LRIG1: variants seen among roughly 807,000 people sequenced by gnomAD.
LRIG1 encodes the protein leucine rich repeats and immunoglobulin like domains 1.
Under a neutral mutation model 99.2 loss-of-function variants are expected in LRIG1, and 48 were observed. The observed-to-expected ratio is 0.48, with a 90% CI of 0.38 to 0.62. The LOEUF (loss-of-function observed/expected upper bound fraction) is 0.62, where lower values mean the gene tolerates loss of function less well. Among genes scored for constraint, LRIG1 ranks in the 20% least tolerant of loss-of-function variants. LRIG1 has a pLI of 0.00. For missense variants in LRIG1, 1,646 were observed against 1,434.4 expected, an observed-to-expected ratio of 1.15 and a Z score of -2.38; for synonymous variants, 772 against 596.1, an observed-to-expected ratio of 1.29 and a Z score of -4.30.
At chr3:66,466,986 G>A (rs1020711993) in intron 1 of LRIG1, among the ~76,000 whole-genome samples, 1 of 152,160 alleles carries the variant, frequency 6.6e-6, no homozygotes, top group Non-Finnish European at 1.5e-5. Flanking sequence ...GCAGATCTCT[G>A]AACAACTGAG....
chr3:66,428,644 ATCCAACTTGAATAAAAG>A (rs1252370127), intron 3 of LRIG1, among the ~76,000 whole-genome samples: 1 of 152,242 alleles, frequency 6.6e-6, no homozygotes, highest in African/African-American at 2.4e-5. Flanking sequence ...AGCTTTCCTA[ATCCAACTTGAATAAAAG>A]TCTCCCTTCT....
rs1175659773 is a variant in LRIG1 at position 66,412,957 on chromosome 3, G to T, written c.705C>A (p.Asn235Lys). 3 of 1,614,098 alleles carry T rather than the reference G, an allele frequency of 1.9e-6. No homozygotes were observed. In the African/African-American group the frequency reaches 4.0e-5, roughly 22 times the overall value. ...GCTGAAGCTTCAGCACCTCCAAGCT[G>T]TTGAGCCCCTGGAAGGTGAGGCCCT... ...LIEGLTFQGL[N>K]SLEVLKLQRN... The change falls in exon 6 of 19, where the codon AAC becomes AAA. Residue 235 changes from asparagine (N) to lysine (K), a missense_variant. Asn to Lys is a moderately conservative substitution (Grantham distance 94, BLOSUM62 0). Transcript: ENST00000273261.
chr3:66,414,341 G>A (rs1053897681), intron 5 of LRIG1, among the ~76,000 whole-genome samples: 1 of 151,954 alleles, frequency 6.6e-6, no homozygotes, highest in Non-Finnish European at 1.5e-5. Context: ...AGCTTGCAGT[G>A]AGCTGAGATC....
At chr3:66,420,080 T>A (rs559423097) in intron 3 of LRIG1, among the ~76,000 whole-genome samples, 1 of 152,208 alleles carries the variant, frequency 6.6e-6, no homozygotes, top group East Asian at 1.9e-4. Flanking sequence ...TATCCAGATA[T>A]AAAGAACCTC....
At chr3:66,404,234 C>T (rs1204911834) in intron 9 of LRIG1, 2 of 1,289,064 alleles carry the variant, frequency 1.6e-6, no homozygotes, top group East Asian at 5.6e-5. Context: ...ACTCTCCCTA[C>T]CACAGGCTCT....
intron 3 of LRIG1, among the ~76,000 whole-genome samples, chr3:66,440,612 G>GACAGCAGCAATGCCCCTCAGAGC (rs1260844447): frequency 2.0e-5 from 3 of 152,138 alleles, no homozygotes; most frequent in Non-Finnish European, 4.4e-5. Flanking sequence ...GTTCAGTGTA[G>GACAGCAGCAATGCCCCTCAGAGC]ACAGCAGCAA....
At chr3:66,411,708 CGAGTCA>C (rs1559785275) in intron 6 of LRIG1, among the ~76,000 whole-genome samples, 1 of 152,074 alleles carries the variant, frequency 6.6e-6, no homozygotes, top group African/African-American at 2.4e-5. Context: ...AAAGGACATT[CGAGTCA>C]TGATATAATT....
intron 12 of LRIG1, chr3:66,386,551 A>G (rs1227799354): frequency 2.2e-6 from 1 of 450,788 alleles, no homozygotes; most frequent in Non-Finnish European, 4.0e-6. Flanking sequence ...TTAACCCACC[A>G]CTTCTCAGTT....
chr3:66,388,990 C>T (rs913738942), intron 12 of LRIG1, among the ~76,000 whole-genome samples: 1 of 152,038 alleles, frequency 6.6e-6, no homozygotes, highest in Non-Finnish European at 1.5e-5. Context: ...TTTTGTAACT[C>T]GCGTCTCCTG....
intron 2 of LRIG1, among the ~76,000 whole-genome samples, chr3:66,453,107 C>G (rs1033091026): frequency 6.6e-6 from 1 of 152,190 alleles, no homozygotes; most frequent in Non-Finnish European, 1.5e-5. Context: ...TAGTCTTAAT[C>G]TCAGCTAATA....
intron 17 of LRIG1, 165 bp from the exon 18 acceptor site, chr3:66,381,026 G>A (rs1701024681): frequency 1.5e-6 from 1 of 670,094 alleles, no homozygotes; most frequent in East Asian, 2.7e-5. Flanking sequence ...AGAAAGGACT[G>A]GGCAAACACC....
rs191614140 is a variant in LRIG1, at chr3:66,451,298, C to T, written c.365+261G>A. Reference sequence around the variant, plus strand: ...GAAGCAAGAAATCTAGTTCCATATACCTCTGCGCATTAAAAAAAAAAAAGA... The same window carrying T: ...GAAGCAAGAAATCTAGTTCCATATATCTCTGCGCATTAAAAAAAAAAAAGA... On this transcript the variant is annotated intron_variant, in intron 3 of 18. Coordinates refer to ENST00000273261, the MANE Select transcript of LRIG1 (RefSeq NM_015541.3). Among the ~76,000 whole-genome samples the T allele has an allele frequency of 1.8e-3, 273 of 148,692 alleles. 2 individuals carry two copies. Among genetic ancestry groups the T allele is most frequent in the Middle Eastern group, 6.8e-3 (2 of 294 alleles).
intron 1 of LRIG1, among the ~76,000 whole-genome samples, chr3:66,463,826 C>T (rs549024277): frequency 6.6e-6 from 1 of 152,214 alleles, no homozygotes; most frequent in African/African-American, 2.4e-5. Context: ...TAACCTAGAG[C>T]TGAGAGCCAT....
At chr3:66,417,093 C>A (rs772196616) in intron 4 of LRIG1, 36 bp downstream of exon 4, 1 of 1,606,118 alleles carries the variant, frequency 6.2e-7, no homozygotes, top group South Asian at 1.1e-5. Context: ...CTGGACACAG[C>A]GGGCCAGCCA....
intron 2 of LRIG1, among the ~76,000 whole-genome samples, chr3:66,452,553 T>C (rs928238434): frequency 2.6e-5 from 4 of 152,206 alleles, no homozygotes; most frequent in Non-Finnish European, 4.4e-5. Context: ...GTACTTGCGA[T>C]GCAAAGTCAA....
rs561163528 is a variant in LRIG1, at chr3:66,406,267, T to C, written c.1080-989A>G. ...CCTCTCAATGGGTTCCTTCCTATCA[T>C]CTGCATACTGAAAAAACCAGGAACC... On this transcript the variant is annotated intron_variant, in intron 8 of 18. Transcript: ENST00000273261. 4.6e-5 allele frequency: 45 copies of C among 985,362 alleles called. No individual in the cohort carries two copies. The African/African-American group carries it at 7.7e-4, about 17-fold the overall frequency. The allele number at this position is 985,362 out of a possible 1,614,324, so 61.0% of individuals were successfully genotyped here. A position where few individuals can be genotyped will look rare whatever the true frequency, so the allele number is the denominator to read the frequency against.
At chr3:66,456,785 A>G (rs1397962748) in intron 2 of LRIG1, among the ~76,000 whole-genome samples, 2 of 152,158 alleles carry the variant, frequency 1.3e-5, no homozygotes, top group East Asian at 3.9e-4. Flanking sequence ...CTTCCTTACC[A>G]GGTCAGTGGC....
intron 1 of LRIG1, among the ~76,000 whole-genome samples, chr3:66,487,178 A>C (rs1029529874): frequency 2.0e-5 from 3 of 152,216 alleles, no homozygotes; most frequent in African/African-American, 4.8e-5. Flanking sequence ...ATTCTCTCTA[A>C]AAGTTCTGAC....
rs777017124 is a variant in LRIG1, at chr3:66,384,212, C to T, written c.1850G>A (p.Arg617His). The T allele has an allele frequency of 1.7e-5, 28 of 1,613,954 alleles. No homozygotes were observed. The highest frequency in any genetic ancestry group is 6.7e-5 in the East Asian group (3 of 44,884). ...DITIRTTTMARLECAATGHPN... is the reference protein window; with the variant it reads ...DITIRTTTMAHLECAATGHPN... Reference sequence around the variant, plus strand: ...GTGACCTGTGGCAGCACATTCGAGGCGGGCCATGGTGGTGGTCCGGATGGT... The same window carrying T: ...GTGACCTGTGGCAGCACATTCGAGGTGGGCCATGGTGGTGGTCCGGATGGT... Residue 617 changes from arginine to histidine, a missense_variant, in exon 14 of 19, where the codon CGC becomes CAC. Coordinates refer to ENST00000273261, the MANE Select transcript of LRIG1 (RefSeq NM_015541.3).
Sources: allele counts gnomAD v4.1 joint callset (sites outside exome capture counted in the v4.1 genomes callset), GRCh38; gene constraint gnomAD v4.1.1; transcripts MANE v1.5; gene names NCBI Gene and HGNC (gene_info 2026-07-23, HGNC 2026-07-21).